RNF10: variants seen among roughly 807,000 people sequenced by gnomAD.
The protein encoded by RNF10 is ring finger protein 10.
A neutral mutation model predicts 91.4 loss-of-function variants in RNF10; 38 were observed. The ratio of observed to expected loss-of-function variants is 0.42; its 90% CI spans 0.32 to 0.54. The LOEUF is 0.54. Ranked by LOEUF, RNF10 falls within the 20% of genes least tolerant of loss-of-function variation. The pLI, the probability that RNF10 is intolerant of heterozygous loss-of-function variation, is 0.16. For synonymous variants in RNF10, 364 were observed against 366.3 expected, an observed-to-expected ratio of 0.99 and a Z score of 0.07; for missense variants, 945 against 1,012.0, an observed-to-expected ratio of 0.93 and a Z score of 0.90.
intron 1 of RNF10, chr12:120,539,543 G>A (rs115557041): frequency 4.4e-4 from 267 of 606,482 alleles, no homozygotes; most frequent in African/African-American, 4.3e-3. Context: ...CCTCTAGGCC[G>A]AGCCACCTGT....
chr12:120,571,302 T>G lies in RNF10; in HGVS notation c.2142+11T>G. 1 of 1,591,892 alleles carries G rather than the reference T, an allele frequency of 6.3e-7. No individual in the cohort carries two copies. Among genetic ancestry groups the G allele is most frequent in the Non-Finnish European group, 8.6e-7 (1 of 1,159,832 alleles). ...CCTTCCTTTGCCCAGGTAAATCCTTTGCTTGTGAAGCAGCCCAGGGGTATT... is the reference window on the plus strand; with the variant it reads ...CCTTCCTTTGCCCAGGTAAATCCTTGGCTTGTGAAGCAGCCCAGGGGTATT... On this transcript the variant is annotated intron_variant, in intron 14 of 16. Transcript: ENST00000325954.
chr12:120,543,060 G>A (rs1593053280), intron 1 of RNF10, among the ~76,000 whole-genome samples: 1 of 152,220 alleles, frequency 6.6e-6, no homozygotes, highest in Non-Finnish European at 1.5e-5. Context: ...GCGTGAAGTG[G>A]TTGCTTTCAA....
intron 6 of RNF10, among the ~76,000 whole-genome samples, chr12:120,559,089 CTG>C (rs765722815): frequency 9.9e-4 from 148 of 149,996 alleles, no homozygotes; most frequent in Non-Finnish European, 1.8e-3. Context: ...AAAAAATTAA[CTG>C]GGCATGCAGG....
intron 4 of RNF10, among the ~76,000 whole-genome samples, chr12:120,555,328 C>T (rs867911122): frequency 3.3e-5 from 5 of 150,508 alleles, no homozygotes; most frequent in Admixed American, 6.6e-5. Context: ...ATTACAGGCA[C>T]CCGCCACCAC....
At chr12:120,535,063 C>T in intron 1 of RNF10, 95 bp downstream of exon 1, 4 of 1,355,086 alleles carry the variant, frequency 3.0e-6, no homozygotes, top group South Asian at 1.5e-5. Flanking sequence ...GGGACAGGCT[C>T]CACTTTCTTT....
chr12:120,566,583 G>A (rs1875739295), intron 12 of RNF10, among the ~76,000 whole-genome samples: 1 of 152,036 alleles, frequency 6.6e-6, no homozygotes, highest in African/African-American at 2.4e-5. Flanking sequence ...ACAACATGGT[G>A]AAACCTCATC....
intron 3 of RNF10, 100 bp from the exon 4 acceptor site, chr12:120,554,618 G>A (rs1873679054): frequency 2.2e-6 from 2 of 903,274 alleles, no homozygotes; most frequent in Admixed American, 1.8e-5. Context: ...GGCTGCTAAT[G>A]GCCTGCATTT....
At chr12:120,567,484 C>T (rs927674143) in intron 13 of RNF10, among the ~76,000 whole-genome samples, 3 of 151,946 alleles carry the variant, frequency 2.0e-5, no homozygotes, top group African/African-American at 4.8e-5. Flanking sequence ...GGGTGGATCA[C>T]GAGGTCAGGA....
chr12:120,568,853 C>T (rs1238991480), intron 13 of RNF10, among the ~76,000 whole-genome samples: 1 of 152,158 alleles, frequency 6.6e-6, no homozygotes, highest in Non-Finnish European at 1.5e-5. Flanking sequence ...AACTCCTGGG[C>T]TCAAGTGATC....
chr12:120,564,065 TTCTG>T (rs768503669), intron 10 of RNF10, 122 bp downstream of exon 10: 293 of 1,082,192 alleles, frequency 2.7e-4, no homozygotes, highest in Middle Eastern at 4.9e-4. Flanking sequence ...TTTTTAGTCT[TTCTG>T]TCAGTGATGG....
intron 6 of RNF10, among the ~76,000 whole-genome samples, chr12:120,559,690 A>AT (rs1023221571): frequency 3.4e-4 from 49 of 145,482 alleles, no homozygotes; most frequent in African/African-American, 1.1e-3. Context: ...GCCTGGTGTT[A>AT]TTTTTTTTTA....
At chr12:120,541,184 A>G (rs952886087) in intron 1 of RNF10, among the ~76,000 whole-genome samples, 35 of 152,126 alleles carry the variant, frequency 2.3e-4, no homozygotes, top group Admixed American at 1.2e-3. Context: ...AGCCCTTGCC[A>G]TGTAGAATCT....
intron 14 of RNF10, chr12:120,575,376 T>C: frequency 2.1e-6 from 1 of 468,756 alleles, no homozygotes; most frequent in African/African-American, 2.0e-5. Flanking sequence ...TTGTGCCTTC[T>C]GTGCAGTGTT....
At position 120,552,593 on chromosome 12, in the gene RNF10, C is replaced by T; in HGVS notation, c.449C>T (p.Pro150Leu). 1 of 1,614,122 alleles carries T rather than the reference C, an allele frequency of 6.2e-7. No homozygotes were observed. Among genetic ancestry groups the T allele is most frequent in the South Asian group, 1.1e-5 (1 of 91,076 alleles). Residue 150 changes from proline (P) to leucine (L), a missense_variant, in exon 3 of 17, where the codon CCC (proline) becomes CTC (leucine). Physicochemically the swap from Pro to Leu is moderately conservative, Grantham distance 98. Transcript: ENST00000325954. Reference protein sequence around the residue: ...LNHLLNFTFEPRGQTGHFEGS... With the variant: ...LNHLLNFTFELRGQTGHFEGS... Reference sequence around the variant, plus strand: ...CACTTGTTGAATTTCACTTTTGAACCCCGTGGCCAGACGGGTCACTTTGAA... The same window carrying T: ...CACTTGTTGAATTTCACTTTTGAACTCCGTGGCCAGACGGGTCACTTTGAA...
chr12:120,543,119 T>A (rs1038985809), intron 1 of RNF10, among the ~76,000 whole-genome samples: 1 of 152,220 alleles, frequency 6.6e-6, no homozygotes, highest in Non-Finnish European at 1.5e-5. Flanking sequence ...TCTGAGGCAT[T>A]GTTTAACCTT....
At position 120,557,448 on chromosome 12, in the gene RNF10, A is replaced by G; in HGVS notation, c.812A>G (p.His271Arg). 3 of 1,614,130 alleles carry G rather than the reference A, an allele frequency of 1.9e-6. No individual in the cohort carries two copies. Among genetic ancestry groups the G allele is most frequent in the Non-Finnish European group, 2.5e-6 (3 of 1,179,964 alleles). Residue 271 changes from histidine to arginine, a missense_variant, in exon 5 of 17, where the codon CAT becomes CGT. Coordinates refer to ENST00000325954, the MANE Select transcript of RNF10 (RefSeq NM_014868.5). ...TGTCCCATCTGTTACAGTTCTGTGCATAAGAAGGATCTCAAGAGGTGAGAT... is the reference window on the plus strand; with the variant it reads ...TGTCCCATCTGTTACAGTTCTGTGCGTAAGAAGGATCTCAAGAGGTGAGAT... Reference protein sequence around the residue: ...SKCPICYSSVHKKDLKSVVAT... With the variant: ...SKCPICYSSVRKKDLKSVVAT...
chr12:120,552,738 C>G, intron 3 of RNF10, 40 bp downstream of exon 3: 1 of 1,576,816 alleles, frequency 6.3e-7, no homozygotes, highest in Admixed American at 1.7e-5. Flanking sequence ...GAAAGTAGGA[C>G]TCTCCGGATA....
chr12:120,555,640 A>G (rs1222518426), intron 4 of RNF10, among the ~76,000 whole-genome samples: 1 of 151,424 alleles, frequency 6.6e-6, no homozygotes, highest in Non-Finnish European at 1.5e-5. Context: ...GGCACGCACC[A>G]CCACTCCCAG....
chr12:120,556,248 A>G (rs763792133), intron 4 of RNF10, among the ~76,000 whole-genome samples: 10 of 150,592 alleles, frequency 6.6e-5, no homozygotes, highest in Non-Finnish European at 1.3e-4. Context: ...TAAAGCTTGA[A>G]CTCTCGCCGG....
Sources: gnomAD v4.1 joint callset for allele counts (sites outside exome capture counted in the v4.1 genomes callset) on GRCh38, gnomAD v4.1.1 for gene constraint, MANE v1.5 for transcripts, NCBI Gene and HGNC (gene_info 2026-07-23, HGNC 2026-07-21) for gene names.